The following GRAMD1C variants were observed in gnomAD, a reference collection of about 807,000 sequenced individuals.
GRAMD1C encodes protein Aster-C.
Under a neutral mutation model 97.8 loss-of-function variants are expected in GRAMD1C, and 89 were observed. The ratio of observed to expected loss-of-function variants is 0.91; its 90% CI spans 0.77 to 1.09. GRAMD1C has a LOEUF of 1.09. GRAMD1C is among the 50% of genes least tolerant of loss of function. The pLI, the probability that GRAMD1C is intolerant of heterozygous loss-of-function variation, is 0.00. For missense variants in GRAMD1C, 740 were observed against 766.4 expected, an observed-to-expected ratio of 0.97 and a Z score of 0.41; for synonymous variants, 256 against 267.0, an observed-to-expected ratio of 0.96 and a Z score of 0.40.
chr3:113,901,098 C>A lies in GRAMD1C; in HGVS notation c.608C>A (p.Ala203Asp). ...TATGGCACTGAGCTAGGTTTAAATG[C>A]TGAGGAGATGGAAAACTTGTCACTG... is the stretch of plus-strand genomic sequence containing the variant. ...QNYGTELGLN[A>D]EEMENLSLSI... Residue 203 changes from alanine (A) to aspartate (D), a missense_variant, in exon 7 of 18, where the codon GCT (alanine) becomes GAT (aspartate). Ala to Asp is a moderately radical substitution (Grantham distance 126). Coordinates refer to ENST00000358160, the MANE Select transcript of GRAMD1C (RefSeq NM_017577.5). 1 of 1,610,668 alleles carries A rather than the reference C, an allele frequency of 6.2e-7. No individual in the cohort carries two copies. The highest frequency in any genetic ancestry group is 8.5e-7 in the Non-Finnish European group (1 of 1,177,078).
intron 2 of GRAMD1C, among the ~76,000 whole-genome samples, chr3:113,857,684 T>G (rs977148025): frequency 6.6e-6 from 1 of 152,212 alleles, no homozygotes; most frequent in South Asian, 2.1e-4. Context: ...CCTGTATTCC[T>G]GTTTTTTAAG....
At chr3:113,904,091 A>G (rs777703882) in intron 7 of GRAMD1C, 49 bp from the exon 8 acceptor site, 44 of 1,490,448 alleles carry the variant, frequency 3.0e-5, no homozygotes, top group Non-Finnish European at 4.1e-5. Context: ...CAAATCATTT[A>G]TTTGTGTGGA....
rs965010133 is a variant in GRAMD1C, at chr3:113,844,773, A to C, written c.174+124A>C. ...TCTAGATTTTAGATGTTTCAATTTT[A>C]GTCCAGAGTCCCAAAGACATTTCTG... On this transcript the variant is annotated intron_variant, in intron 2 of 17. Coordinates refer to ENST00000358160, the MANE Select transcript of GRAMD1C (RefSeq NM_017577.5). The C allele has an allele frequency of 6.3e-6, 4 of 639,410 alleles. No homozygotes were observed. The Admixed American group carries it at 1.0e-4, about 16-fold the overall frequency. The allele number at this position is 639,410 out of a possible 1,614,324, so 39.6% of individuals were successfully genotyped here.
chr3:113,933,625 C>T lies in GRAMD1C; in HGVS notation c.1324C>T (p.Arg442Ter), dbSNP rs778373601. Residue 442 changes from arginine to a stop codon, truncating the protein, a stop_gained, in exon 12 of 18, where the codon CGA (arginine) becomes TGA (stop). Transcript: ENST00000358160. LOFTEE classifies it high-confidence loss of function. ...FYTVNRYCII[R>*]SSKQKCRLRV... ...TACCGTGAACAGATACTGTATCATCCGATCTTCAAAACAGAAATGCAGGCT... is the reference window on the plus strand; with the variant it reads ...TACCGTGAACAGATACTGTATCATCTGATCTTCAAAACAGAAATGCAGGCT... 8.7e-6 allele frequency: 14 copies of T among 1,606,426 alleles called. No homozygotes were observed. Among genetic ancestry groups the T allele is most frequent in the South Asian group, 3.3e-5 (3 of 90,728 alleles).
At chr3:113,835,626 A>G (rs767742476), upstream of GRAMD1C, among the ~76,000 whole-genome samples, 11 of 152,212 alleles carry the variant, frequency 7.2e-5, no homozygotes, top group Non-Finnish European at 1.2e-4. Flanking sequence ...GTATCTTAAT[A>G]CATCTTATCT....
At chr3:113,843,427 C>T (rs1014462675) in intron 1 of GRAMD1C, among the ~76,000 whole-genome samples, 5 of 115,070 alleles carry the variant, frequency 4.3e-5, no homozygotes, top group Admixed American at 3.6e-4. Context: ...TCCATATTTG[C>T]TTTTTTCTTT....
chr3:113,853,453 A>T (rs1255617269), intron 2 of GRAMD1C, among the ~76,000 whole-genome samples: 2 of 152,234 alleles, frequency 1.3e-5, no homozygotes, highest in Non-Finnish European at 2.9e-5. Context: ...AATGTGCATG[A>T]AAGATTTTCA....
intron 10 of GRAMD1C, among the ~76,000 whole-genome samples, chr3:113,929,098 AG>A (rs1937324984): frequency 6.6e-6 from 1 of 152,228 alleles, no homozygotes; most frequent in Non-Finnish European, 1.5e-5. Flanking sequence ...CAATGTACAA[AG>A]TTTCCAATTT....
exon 1 of GRAMD1C, chr3:113,828,239 T>A (rs1030046733): frequency 6.6e-6 from 1 of 152,248 alleles, no homozygotes; most frequent in Non-Finnish European, 1.5e-5. Context: ...GGAGAGGAAT[T>A]GAGGTCCCAA....
At chr3:113,837,794 G>C (rs1438015557), upstream of GRAMD1C, among the ~76,000 whole-genome samples, 3 of 152,254 alleles carry the variant, frequency 2.0e-5, no homozygotes, top group African/African-American at 7.2e-5. Context: ...AGTAGTCCCA[G>C]CTACTCGAGA....
In GRAMD1C at chr3:113,930,936, C is replaced by T. The variant is rs561475624; in HGVS notation, c.1209+104C>T. 9 of 613,982 alleles carry T rather than the reference C, an allele frequency of 1.5e-5. No homozygotes were observed. In the African/African-American group the frequency reaches 1.5e-4, roughly 10 times the overall value. 38.0% of individuals were successfully genotyped at this position (613,982 alleles called of 1,614,324 possible). Reference sequence around the variant, plus strand: ...CAAGACAGTTTCAATAAACAAGTGGCAAGAAAAAAGGGAGGAGAAACTGTT... The same window carrying T: ...CAAGACAGTTTCAATAAACAAGTGGTAAGAAAAAAGGGAGGAGAAACTGTT... On this transcript the variant is annotated intron_variant, in intron 11 of 17. Coordinates refer to ENST00000358160, the MANE Select transcript of GRAMD1C (RefSeq NM_017577.5).
At chr3:113,866,888 G>A (rs1934605743) in intron 2 of GRAMD1C, among the ~76,000 whole-genome samples, 1 of 151,952 alleles carries the variant, frequency 6.6e-6, no homozygotes, top group Non-Finnish European at 1.5e-5. Context: ...GAGTGCAGTG[G>A]CACGATCTTG....
upstream of GRAMD1C, among the ~76,000 whole-genome samples, chr3:113,835,823 C>T (rs938350290): frequency 1.3e-5 from 2 of 152,134 alleles, no homozygotes; most frequent in African/African-American, 4.8e-5. Flanking sequence ...CATACAGTGG[C>T]CTTGCTTAAT....
At chr3:113,905,081 G>A (rs111530029) in intron 8 of GRAMD1C, among the ~76,000 whole-genome samples, 4 of 152,034 alleles carry the variant, frequency 2.6e-5, no homozygotes, top group East Asian at 1.9e-4. Flanking sequence ...TGATCCACCC[G>A]CCTTGGCCTC....
intron 2 of GRAMD1C, among the ~76,000 whole-genome samples, chr3:113,845,943 A>G (rs1037994650): frequency 6.6e-6 from 1 of 152,168 alleles, no homozygotes; most frequent in East Asian, 1.9e-4. Flanking sequence ...ACGTGACATT[A>G]TAAGTTTTTT....
At chr3:113,842,861 A>C (rs1260315263) in intron 1 of GRAMD1C, among the ~76,000 whole-genome samples, 3 of 151,542 alleles carry the variant, frequency 2.0e-5, no homozygotes, top group African/African-American at 7.3e-5. Flanking sequence ...TACTCGGGAG[A>C]CTGAGGCAGG....
chr3:113,847,946 C>T (rs1382895092), intron 2 of GRAMD1C, among the ~76,000 whole-genome samples: 2 of 152,186 alleles, frequency 1.3e-5, no homozygotes, highest in Non-Finnish European at 2.9e-5. Flanking sequence ...CACTGGAATA[C>T]CCAAGGAACC....
At chr3:113,842,039 G>T (rs150436593) in intron 1 of GRAMD1C, among the ~76,000 whole-genome samples, 2 of 152,170 alleles carry the variant, frequency 1.3e-5, no homozygotes, top group African/African-American at 4.8e-5. Context: ...AAGCTCTAAA[G>T]ACTTGATTTA....
chr3:113,872,755 T>C (rs1245190607), intron 3 of GRAMD1C, among the ~76,000 whole-genome samples: 1 of 150,798 alleles, frequency 6.6e-6, no homozygotes, highest in Non-Finnish European at 1.5e-5. Flanking sequence ...ATAAAACATA[T>C]CCATTTTAGG....
Sources: allele counts gnomAD v4.1 joint callset (sites outside exome capture counted in the v4.1 genomes callset), GRCh38; gene constraint gnomAD v4.1.1; transcripts MANE v1.5; gene names NCBI Gene and HGNC (gene_info 2026-07-23, HGNC 2026-07-21).